Variants in MID1 observed in about 807,000 individuals in gnomAD.
The protein encoded by MID1 is midline 1.
MID1 carries 7 observed loss-of-function variants against 40.4 expected under a neutral mutation model. That is an observed-to-expected ratio of 0.17 (90% CI 0.10 to 0.33). MID1 has a LOEUF of 0.33. MID1 is among the 10% of genes least tolerant of loss of function. The probability of loss-of-function intolerance (pLI) is 1.00; values close to 1 mark genes in which losing one functional copy is unlikely to be tolerated. For synonymous variants in MID1, 229 were observed against 221.2 expected, an observed-to-expected ratio of 1.04 and a Z score of -0.31; for missense variants, 367 against 558.5, an observed-to-expected ratio of 0.66 and a Z score of 3.46.
chrX:10,797,411 T>C (rs2043974473), intron 1 of MID1, among the ~76,000 whole-genome samples: 1 of 111,726 alleles, frequency 9.0e-6, no homozygotes, highest in Non-Finnish European at 1.9e-5. Context: ...AAAGAACCAA[T>C]TGACTATCAC....
At chrX:10,626,216 C>A (rs1982203802) in intron 1 of MID1, among the ~76,000 whole-genome samples, 2 of 110,846 alleles carry the variant, frequency 1.8e-5, no homozygotes, top group Non-Finnish European at 3.8e-5. Context: ...CCCTTTGCTT[C>A]TTTTCAACAG....
upstream of MID1, among the ~76,000 whole-genome samples, chrX:10,622,259 A>G (rs985551278): frequency 5.4e-5 from 6 of 110,946 alleles, no homozygotes; most frequent in African/African-American, 2.0e-4. Context: ...GAAGCTACCC[A>G]GGGCTCCTGC....
intron 1 of MID1, among the ~76,000 whole-genome samples, chrX:10,636,803 T>G (rs1029585276): frequency 1.1e-5 from 1 of 88,168 alleles, no homozygotes; most frequent in Non-Finnish European, 2.2e-5. Context: ...TATATATATA[T>G]ATATATATAT....
intron 1 of MID1, among the ~76,000 whole-genome samples, chrX:10,690,245 A>G (rs1460353023): frequency 1.8e-5 from 2 of 112,102 alleles, no homozygotes; most frequent in African/African-American, 6.5e-5. Context: ...TGAGGTGTTA[A>G]GTACCTGGCT....
At chrX:10,791,982 G>A (rs999110504) in intron 1 of MID1, among the ~76,000 whole-genome samples, 2 of 111,064 alleles carry the variant, frequency 1.8e-5, no homozygotes, top group East Asian at 5.6e-4. Context: ...GTCTGTGAGC[G>A]GCCCCAGCCC....
chrX:10,734,319 T>C (rs1271224826), intron 1 of MID1, among the ~76,000 whole-genome samples: 4 of 111,104 alleles, frequency 3.6e-5, no homozygotes, highest in Non-Finnish European at 7.5e-5. Flanking sequence ...TTCTCTCTTA[T>C]AAGTGGGAGC....
chrX:10,566,512 C>CTCT (rs1569107605), intron 2 of MID1, among the ~76,000 whole-genome samples: 2 of 40,039 alleles, frequency 5.0e-5, no homozygotes, highest in African/African-American at 7.4e-5. Flanking sequence ...TCTCTCTCTC[C>CTCT]CTCTCTCTCC....
chrX:10,697,941 C>A (rs2043171463), intron 1 of MID1, among the ~76,000 whole-genome samples: 1 of 112,379 alleles, frequency 8.9e-6, no homozygotes, highest in African/African-American at 3.2e-5. Context: ...GGGAAAGAAT[C>A]ACCCCCACTC....
chrX:10,615,404 G>A (rs1303773908), intron 1 of MID1, among the ~76,000 whole-genome samples: 1 of 112,148 alleles, frequency 8.9e-6, no homozygotes, highest in African/African-American at 3.2e-5. Flanking sequence ...AATGATATAA[G>A]AAAGGAAGGA....
At chrX:10,723,825 C>T (rs1242654654) in intron 1 of MID1, among the ~76,000 whole-genome samples, 1 of 112,938 alleles carries the variant, frequency 8.9e-6, no homozygotes, top group African/African-American at 3.2e-5. Flanking sequence ...CAGGCGTGAG[C>T]CACCGCGCCC....
At chrX:10,548,837 G>C (rs1447041829) in intron 2 of MID1, among the ~76,000 whole-genome samples, 1 of 111,960 alleles carries the variant, frequency 8.9e-6, no homozygotes, top group Non-Finnish European at 1.9e-5. Context: ...CTAGCTATTA[G>C]ATATAATTCA....
chrX:10,663,549 T>C (rs1226862473), intron 1 of MID1, among the ~76,000 whole-genome samples: 1 of 111,793 alleles, frequency 8.9e-6, no homozygotes, highest in Non-Finnish European at 1.9e-5. Flanking sequence ...TGTTTGTATT[T>C]AGACAGTTGT....
chrX:10,704,342 T>G (rs1178357876), intron 1 of MID1, among the ~76,000 whole-genome samples: 1 of 111,542 alleles, frequency 9.0e-6, no homozygotes. Flanking sequence ...ATGACTTTTT[T>G]TCCTGAAGAA....
At chrX:10,529,883 C>T (rs1039348627) in intron 2 of MID1, among the ~76,000 whole-genome samples, 4 of 112,056 alleles carry the variant, frequency 3.6e-5, no homozygotes, top group East Asian at 2.8e-4. Context: ...GAATATTCAC[C>T]GGACAACCCT....
At chrX:10,718,651 G>A (rs942572681) in intron 1 of MID1, among the ~76,000 whole-genome samples, 2 of 111,405 alleles carry the variant, frequency 1.8e-5, no homozygotes, top group Non-Finnish European at 3.8e-5. Context: ...CTTTTGAAAC[G>A]ATTCCAATCA....
intron 1 of MID1, among the ~76,000 whole-genome samples, chrX:10,612,183 G>GTCTA (rs2147533819): frequency 8.9e-6 from 1 of 111,912 alleles, no homozygotes; most frequent in South Asian, 3.7e-4. Flanking sequence ...TTATCTAATA[G>GTCTA]TCTATCATGT....
chrX:10,756,175 C>T (rs997503360), intron 1 of MID1, among the ~76,000 whole-genome samples: 4 of 111,611 alleles, frequency 3.6e-5, no homozygotes, highest in African/African-American at 9.8e-5. Flanking sequence ...CATACGGCCA[C>T]TTATGACAGG....
chrX:10,583,592 G>C (rs1935067198), intron 1 of MID1, among the ~76,000 whole-genome samples: 1 of 112,452 alleles, frequency 8.9e-6, no homozygotes, highest in South Asian at 3.7e-4. Flanking sequence ...TTATTGTAAA[G>C]TAGTGACATC....
chrX:10,801,754 A>T (rs992476659), intron 1 of MID1, among the ~76,000 whole-genome samples: 1 of 112,228 alleles, frequency 8.9e-6, no homozygotes, highest in African/African-American at 3.2e-5. Flanking sequence ...TTATATAAGA[A>T]AACGTAGGAA....
Sources: gnomAD v4.1 joint callset for allele counts (sites outside exome capture counted in the v4.1 genomes callset) on GRCh38, gnomAD v4.1.1 for gene constraint, MANE v1.5 for transcripts, NCBI Gene and HGNC (gene_info 2026-07-23, HGNC 2026-07-21) for gene names.